AASDH: variants seen among roughly 807,000 people sequenced by gnomAD.
AASDH encodes the protein beta-alanine-activating enzyme.
Under a neutral mutation model 102.3 loss-of-function variants are expected in AASDH, and 81 were observed. The observed-to-expected ratio is 0.79, with a 90% confidence interval of 0.66 to 0.95. AASDH has a LOEUF of 0.95. Ranked by LOEUF, AASDH falls within the 40% of genes least tolerant of loss-of-function variation. The pLI is 0.00. For synonymous variants in AASDH, 398 were observed against 454.0 expected (o/e 0.88, Z 1.57); for missense variants, 1,203 against 1,266.2 (o/e 0.95, Z 0.76).
chr4:56,352,175 A>T (rs1027732723), intron 9 of AASDH, among the ~76,000 whole-genome samples: 1 of 152,222 alleles, frequency 6.6e-6, no homozygotes, highest in African/African-American at 2.4e-5. Context: ...CCTAGACAGA[A>T]TATCAATTCT....
At chr4:56,368,912 A>G (rs1751364584) in intron 5 of AASDH, among the ~76,000 whole-genome samples, 1 of 152,022 alleles carries the variant, frequency 6.6e-6, no homozygotes, top group Non-Finnish European at 1.5e-5. Flanking sequence ...CCCAAAAAAA[A>G]AAGAAAAAGA....
At position 56,338,630 on chromosome 4, in the gene AASDH, T is replaced by G. The variant is rs1477040956; in HGVS notation, c.3069A>C (p.Thr1023=). Residue 1023 remains threonine, a synonymous_variant, in exon 15 of 15, where the codon ACA becomes ACC. Coordinates refer to ENST00000205214, the MANE Select transcript of AASDH (RefSeq NM_181806.4). ...KFETTSRVYA[T]PFAFHNYNGS... ...CATTGTAGTTATGGAAAGCAAACGG[T>G]GTTGCATAGACCCTTGAAGTAGTTT... is the stretch of plus-strand genomic sequence containing the variant. The G allele has an allele frequency of 6.2e-7, 1 of 1,614,140 alleles. No individual in the cohort carries two copies.
chr4:56,353,932 CA>C, intron 8 of AASDH, 106 bp downstream of exon 8: 2 of 1,056,138 alleles, frequency 1.9e-6, no homozygotes, highest in Non-Finnish European at 2.6e-6. Flanking sequence ...ATCACTAACA[CA>C]AAAATGTCAG....
At chr4:56,372,109 T>TAAA (rs1751788697) in intron 4 of AASDH, among the ~76,000 whole-genome samples, 1 of 152,236 alleles carries the variant, frequency 6.6e-6, no homozygotes, top group African/African-American at 2.4e-5. Flanking sequence ...TATCCAGGGT[T>TAAA]GGCTGGATTT....
At chr4:56,339,535 GCA>G (rs1245284611) in intron 14 of AASDH, among the ~76,000 whole-genome samples, 1 of 152,014 alleles carries the variant, frequency 6.6e-6, no homozygotes, top group Non-Finnish European at 1.5e-5. Context: ...CAGATCACCT[GCA>G]GTCAGGAGTT....
At chr4:56,382,404 G>A in intron 3 of AASDH, 73 bp downstream of exon 3, 1 of 1,385,482 alleles carries the variant, frequency 7.2e-7, no homozygotes, top group African/African-American at 1.5e-5. Flanking sequence ...GAATCCAGAT[G>A]GGAGAAGGAA....
intron 13 of AASDH, 125 bp from the exon 14 acceptor site, chr4:56,343,091 G>T: frequency 1.1e-6 from 1 of 924,114 alleles, no homozygotes; most frequent in Non-Finnish European, 1.5e-6. Flanking sequence ...GTAGTGGTAT[G>T]CAGACATAAA....
At chr4:56,379,938 C>T (rs1048053293) in intron 3 of AASDH, among the ~76,000 whole-genome samples, 7 of 152,146 alleles carry the variant, frequency 4.6e-5, no homozygotes, top group Non-Finnish European at 8.8e-5. Context: ...ACCGTGTACA[C>T]TCAGCACTAA....
intron 4 of AASDH, among the ~76,000 whole-genome samples, chr4:56,374,108 G>A (rs1458380379): frequency 2.0e-5 from 3 of 152,026 alleles, no homozygotes; most frequent in African/African-American, 7.2e-5. Context: ...GGCTGGGCGC[G>A]GTGGCTCACG....
At chr4:56,377,073 A>AT (rs1752436727) in intron 4 of AASDH, among the ~76,000 whole-genome samples, 1 of 98,702 alleles carries the variant, frequency 1.0e-5, no homozygotes, top group Non-Finnish European at 2.1e-5. Context: ...TCTCAAAAAA[A>AT]AAAAAAAATA....
chr4:56,338,825 T>C, intron 14 of AASDH, 34 bp from the exon 15 acceptor site: 2 of 1,576,050 alleles, frequency 1.3e-6, no homozygotes, highest in Non-Finnish European at 1.7e-6. Context: ...TATAATTCAT[T>C]CATCTAATTG....
chr4:56,375,321 T>C lies in AASDH; in HGVS notation c.668+2827A>G, dbSNP rs549550945. Among the ~76,000 whole-genome samples the C allele has an allele frequency of 2.6e-5, 4 of 152,332 alleles. No individual in the cohort carries two copies. In the South Asian group the frequency reaches 8.3e-4, roughly 32 times the overall value. On this transcript the variant is annotated intron_variant, in intron 4 of 14. Transcript: ENST00000205214. ...GCCAGCAACAGAGATAAGATTGTTC[T>C]AATATGTGTCTGAAATTTAATACTC...
intron 12 of AASDH, 94 bp downstream of exon 12, chr4:56,345,033 C>T: frequency 7.2e-7 from 1 of 1,388,214 alleles, no homozygotes; most frequent in South Asian, 1.4e-5. Context: ...CCTCCACCTC[C>T]CAGGTTCACG....
At position 56,351,242 on chromosome 4, in the gene AASDH, A is replaced by G. The variant is rs546671270; in HGVS notation, c.1692+100T>C. 246 of 722,254 alleles carry G rather than the reference A, an allele frequency of 3.4e-4. 1 individual carries two copies. In the African/African-American group the frequency reaches 4.2e-3, roughly 12 times the overall value. 44.7% of individuals were successfully genotyped at this position (722,254 alleles called of 1,614,324 possible). Reference sequence around the variant, plus strand: ...TACCTAACATCTGGGTAGCAATAACATTCTCAGAAAATTTTATCCAACTTG... The same window carrying G: ...TACCTAACATCTGGGTAGCAATAACGTTCTCAGAAAATTTTATCCAACTTG... On this transcript the variant is annotated intron_variant, in intron 10 of 14. Transcript: ENST00000205214.
chr4:56,348,070 G>A (rs1464763530), intron 11 of AASDH, among the ~76,000 whole-genome samples: 2 of 151,694 alleles, frequency 1.3e-5, no homozygotes, highest in Non-Finnish European at 2.9e-5. Flanking sequence ...AGAATCACTT[G>A]AACCCGGGAG....
At chr4:56,366,077 G>T (rs1269382626) in intron 5 of AASDH, among the ~76,000 whole-genome samples, 1 of 152,178 alleles carries the variant, frequency 6.6e-6, no homozygotes. Context: ...TACCATCACA[G>T]AATACTATAA....
At position 56,371,518 on chromosome 4, in the gene AASDH, G is replaced by C; in HGVS notation, c.794C>G (p.Ser265Cys). The C allele has an allele frequency of 6.2e-7, 1 of 1,613,174 alleles. No individual in the cohort carries two copies. The highest frequency in any genetic ancestry group is 1.1e-5 in the South Asian group (1 of 90,822). ...SGASLLIVPT[S>C]VKLLPSKLAS... ...TAATTTTGATGGGAGCAACTTGACG[G>C]AAGTTGGTACAATAAGCAGAGAGGC... is the stretch of plus-strand genomic sequence containing the variant. The change falls in exon 5 of 15, where the codon TCC becomes TGC. Residue 265 changes from serine (S) to cysteine (C), a missense_variant. Ser to Cys is a moderately radical substitution (Grantham distance 112). Coordinates refer to ENST00000205214, the MANE Select transcript of AASDH (RefSeq NM_181806.4).
chr4:56,376,921 G>C (rs1182449459), intron 4 of AASDH, among the ~76,000 whole-genome samples: 1 of 150,744 alleles, frequency 6.6e-6, no homozygotes, highest in Non-Finnish European at 1.5e-5. Flanking sequence ...CAAAAAATTA[G>C]CCGGGCGTAG....
intron 5 of AASDH, among the ~76,000 whole-genome samples, chr4:56,364,582 G>T (rs1399737958): frequency 6.6e-6 from 1 of 152,130 alleles, no homozygotes; most frequent in African/African-American, 2.4e-5. Context: ...TTAAAGAAAA[G>T]AATTTTCAAC....
Sources: gnomAD v4.1 joint callset for allele counts (sites outside exome capture counted in the v4.1 genomes callset) on GRCh38, gnomAD v4.1.1 for gene constraint, MANE v1.5 for transcripts, NCBI Gene and HGNC (gene_info 2026-07-23, HGNC 2026-07-21) for gene names.